The following TRPM2 variants were observed in gnomAD, a reference collection of about 807,000 sequenced individuals.
TRPM2 encodes the protein estrogen-responsive element-associated gene 1 protein.
TRPM2 carries 161 observed loss-of-function variants against 174.0 expected under a neutral mutation model. That is an observed-to-expected ratio of 0.93 (90% CI 0.81 to 1.05). The LOEUF is 1.05. Ranked by LOEUF, TRPM2 falls within the 50% of genes least tolerant of loss-of-function variation. The pLI, the probability that TRPM2 is intolerant of heterozygous loss-of-function variation, is 0.00. For missense variants in TRPM2, 2,057 were observed against 2,038.0 expected (o/e 1.01, Z -0.18); for synonymous variants, 954 against 861.3 (o/e 1.11, Z -1.88).
rs1011586634 is a variant in TRPM2 at position 44,438,150 on chromosome 21, CCT to C, written c.4168-916_4168-915del. ...CTGCTGGGTCCCAGTGCTTTGGGGG[CCT>C]GTCTCCACAGCTGGAACCACCCCCG... On this transcript the variant is annotated intron_variant, in intron 29 of 31. Transcript: ENST00000397928. The surrounding 1 kb of genome is among the most constrained non-coding windows in gnomAD (Gnocchi z 5.9). 1.3e-5 allele frequency among the ~76,000 whole-genome samples: 2 copies of C among 152,236 alleles called. No homozygotes were observed. Among genetic ancestry groups the C allele is most frequent in the African/African-American group, 2.4e-5 (1 of 41,458 alleles).
Position 44,369,192 on chromosome 21 carries a change from CA to C in TRPM2, c.621del (p.Ser210ProfsTer6), listed in dbSNP as rs750062939. 19 of 1,610,374 alleles carry C rather than the reference CA, an allele frequency of 1.2e-5. 1 individual carries two copies. In the South Asian group the frequency reaches 1.9e-4, roughly 16 times the overall value. On this transcript the variant is annotated frameshift_variant, in exon 5 of 32. Transcript: ENST00000397928. LOFTEE classifies it high-confidence loss of function. ...VAQTTGAWII[T>X]GGSHTGVMKQ... ...CCTTCCCCAGGGGCCTGGATCATCA[CA>C]GGGGGGTCCCACACCGGCGTCATGA...
intron 19 of TRPM2, among the ~76,000 whole-genome samples, chr21:44,409,062 G>A (rs2050002882): frequency 6.6e-6 from 1 of 152,038 alleles, no homozygotes; most frequent in Admixed American, 6.6e-5. Context: ...TCTTACCAAA[G>A]GTATGATTTG....
intron 23 of TRPM2, 143 bp downstream of exon 23, chr21:44,423,875 C>A: frequency 2.8e-6 from 2 of 718,628 alleles, no homozygotes; most frequent in South Asian, 1.6e-5. Flanking sequence ...CCATTCCCAG[C>A]TGGAAGAGGC....
At chr21:44,404,489 G>A (rs979358741) in intron 16 of TRPM2, among the ~76,000 whole-genome samples, 9 of 152,214 alleles carry the variant, frequency 5.9e-5, no homozygotes, top group Non-Finnish European at 1.3e-4. Context: ...GCAGGGGGCC[G>A]AGGTAGCTGC....
intron 5 of TRPM2, among the ~76,000 whole-genome samples, chr21:44,372,846 C>T (rs1217729409): frequency 3.3e-5 from 5 of 152,308 alleles, no homozygotes; most frequent in Admixed American, 6.5e-5. Flanking sequence ...TCTGTGTCCA[C>T]GGCCCTGCCT....
Position 44,410,584 on chromosome 21 carries a change from C to T in TRPM2, c.2963-3307C>T, listed in dbSNP as rs1462800895. Among the ~76,000 whole-genome samples, 8 of 67,378 alleles carry T rather than the reference C, an allele frequency of 1.2e-4. 3 individuals are homozygous for T. The highest frequency in any genetic ancestry group is 2.6e-4 in the African/African-American group (6 of 23,494). 44.2% of individuals were successfully genotyped at this position (67,378 alleles called of 152,430 possible). On this transcript the variant is annotated intron_variant, in intron 19 of 31. Coordinates refer to ENST00000397928, the MANE Select transcript of TRPM2 (RefSeq NM_003307.4). ...GTTTTGATTGTGCTGTCTTGGTTGGCGTAGCCTTGTAGTAAGTTTTGACCG... is the reference window on the plus strand; with the variant it reads ...GTTTTGATTGTGCTGTCTTGGTTGGTGTAGCCTTGTAGTAAGTTTTGACCG...
chr21:44,380,111 GA>G (rs1176006233), intron 8 of TRPM2, among the ~76,000 whole-genome samples: 5 of 152,258 alleles, frequency 3.3e-5, no homozygotes. Flanking sequence ...ACGGGTGTCG[GA>G]AGGGCTGGGT....
intron 25 of TRPM2, 33 bp downstream of exon 25, chr21:44,425,860 T>A: frequency 2.0e-6 from 3 of 1,510,766 alleles, no homozygotes; most frequent in Non-Finnish European, 2.7e-6. Context: ...CCAGGCGGAG[T>A]GGCCGGGCCC....
chr21:44,400,763 C>A (rs2049591485), intron 15 of TRPM2, among the ~76,000 whole-genome samples: 1 of 152,226 alleles, frequency 6.6e-6, no homozygotes, highest in Admixed American at 6.5e-5. Flanking sequence ...CCTGTCCTCG[C>A]AGCCGCAGAG....
rs545366312 is a variant in TRPM2, at chr21:44,407,277, C to T, written c.2962+512C>T. ...AGTAGCTGGGACTGCATGTGCACGC[C>T]AACACACCCGGCTAATTTTTGTATT... On this transcript the variant is annotated intron_variant, in intron 19 of 31. Transcript: ENST00000397928. 8.3e-5 allele frequency among the ~76,000 whole-genome samples: 12 copies of T among 144,094 alleles called. No homozygotes were observed. The East Asian group carries it at 2.1e-3, about 25-fold the overall frequency. The allele number at this position is 144,094 out of a possible 152,430, so 94.5% of individuals were successfully genotyped here. A position where few individuals can be genotyped will look rare whatever the true frequency, so the allele number is the denominator to read the frequency against.
chr21:44,427,347 C>G (rs1290122986), intron 27 of TRPM2, among the ~76,000 whole-genome samples: 3 of 152,240 alleles, frequency 2.0e-5, no homozygotes, highest in African/African-American at 4.8e-5. Flanking sequence ...TGGTCCCTGC[C>G]GTAATCTGGG....
At chr21:44,378,163 C>T (rs1257119046) in intron 7 of TRPM2, among the ~76,000 whole-genome samples, 1 of 152,212 alleles carries the variant, frequency 6.6e-6, no homozygotes, top group Non-Finnish European at 1.5e-5. Flanking sequence ...CTGTGGCCCC[C>T]ATCCCAGATC....
intron 11 of TRPM2, among the ~76,000 whole-genome samples, chr21:44,393,036 C>A (rs555333335): frequency 6.6e-6 from 1 of 151,802 alleles, no homozygotes; most frequent in Non-Finnish European, 1.5e-5. Context: ...CCACCCTTAT[C>A]CAATGGGAAC....
chr21:44,393,015 T>C (rs1274544939), intron 11 of TRPM2, among the ~76,000 whole-genome samples: 1 of 151,928 alleles, frequency 6.6e-6, no homozygotes, highest in Non-Finnish European at 1.5e-5. Flanking sequence ...AAGGGAACCC[T>C]GCTCTAATCT....
At chr21:44,433,715 C>A (rs1046186591) in intron 27 of TRPM2, among the ~76,000 whole-genome samples, 1 of 152,180 alleles carries the variant, frequency 6.6e-6, no homozygotes. Flanking sequence ...CTGGGCCCCA[C>A]CGTGCAAGGC....
chr21:44,424,781 GGTGGGCAGT>G, intron 23 of TRPM2, 62 bp from the exon 24 acceptor site: 2 of 1,004,106 alleles, frequency 2.0e-6, no homozygotes, highest in Non-Finnish European at 2.8e-6. Context: ...GTGAAGTCTC[GGTGGGCAGT>G]GGGGTGTGTA....
intron 2 of TRPM2, among the ~76,000 whole-genome samples, chr21:44,363,889 G>T (rs1015123341): frequency 1.3e-5 from 2 of 152,186 alleles, no homozygotes; most frequent in African/African-American, 4.8e-5. Context: ...AGCCTCCACT[G>T]ATCCACTGAC....
chr21:44,389,232 C>G (rs1054110442), intron 9 of TRPM2, among the ~76,000 whole-genome samples: 32 of 152,222 alleles, frequency 2.1e-4, no homozygotes, highest in Admixed American at 2.1e-3. Context: ...TTTTGAGATT[C>G]ATCCATGTTG....
Position 44,366,785 on chromosome 21 carries a change from G to GC in TRPM2, c.456dup (p.Val153ArgfsTer116). On this transcript the variant is annotated frameshift_variant, in exon 4 of 32. Coordinates refer to ENST00000397928, the MANE Select transcript of TRPM2 (RefSeq NM_003307.4). LOFTEE classifies it high-confidence loss of function. This position sits in a 1 kb window ranked among gnomAD's most constrained non-coding sequence, Gnocchi z 6.0. ...CGAGTCTCCCAGGACACGCCCTCCA[G>GC]CGTGATCTACCACCTCATGACCCAG... is the stretch of plus-strand genomic sequence containing the variant. 5.0e-6 allele frequency: 8 copies of GC among 1,613,858 alleles called. No homozygotes were observed. The highest frequency in any genetic ancestry group is 6.8e-6 in the Non-Finnish European group (8 of 1,179,972).
Sources: allele counts gnomAD v4.1 joint callset (sites outside exome capture counted in the v4.1 genomes callset), GRCh38; gene constraint gnomAD v4.1.1; non-coding constraint Gnocchi (gnomAD v3.1); transcripts MANE v1.5; gene names NCBI Gene and HGNC (gene_info 2026-07-23, HGNC 2026-07-21).